GALNT16: variants seen among roughly 807,000 people sequenced by gnomAD.
GALNT16 encodes polypeptide N-acetylgalactosaminyltransferase 16.
In GALNT16, 40 loss-of-function variants were observed where a neutral mutation model predicts 76.1. That is an observed-to-expected ratio of 0.53 (90% CI 0.41 to 0.68). The LOEUF (loss-of-function observed/expected upper bound fraction) is 0.68, where lower values mean the gene tolerates loss of function less well. GALNT16 is among the 30% of genes least tolerant of loss of function. GALNT16 has a pLI of 0.00. For synonymous variants in GALNT16, 276 were observed against 285.2 expected, an observed-to-expected ratio of 0.97 and a Z score of 0.32; for missense variants, 621 against 731.9, an observed-to-expected ratio of 0.85 and a Z score of 1.75.
rs55871607 is a variant in GALNT16 at position 69,345,703 on chromosome 14, AGTGTGT to A, written c.1272-1308_1272-1303del. Among the ~76,000 whole-genome samples, 45 of 135,098 alleles carry A rather than the reference AGTGTGT, an allele frequency of 3.3e-4. No homozygotes were observed. In the Middle Eastern group the frequency reaches 0.019, roughly 58 times the overall value. 88.6% of individuals were successfully genotyped at this position (135,098 alleles called of 152,430 possible). On this transcript the variant is annotated intron_variant, in intron 12 of 14. Coordinates refer to ENST00000448469, the MANE Select transcript of GALNT16 (RefSeq NM_001168368.2). ...TCAGGTTTATTACCCATAAGGTGTCAGTGTGTGTGTGTGTGTGTGTGTGTGTGTGTG... is the reference window on the plus strand; with the variant it reads ...TCAGGTTTATTACCCATAAGGTGTCAGTGTGTGTGTGTGTGTGTGTGTGTG...
At chr14:69,334,653 C>T (rs921216550) in intron 9 of GALNT16, among the ~76,000 whole-genome samples, 2 of 152,178 alleles carry the variant, frequency 1.3e-5, no homozygotes, top group African/African-American at 4.8e-5. Flanking sequence ...GAGCACCCCA[C>T]GATGGAGCTG....
chr14:69,345,547 A>C (rs556333626), intron 12 of GALNT16, among the ~76,000 whole-genome samples: 8 of 152,264 alleles, frequency 5.3e-5, no homozygotes, highest in South Asian at 2.1e-4. Context: ...AACAGGAGGC[A>C]GAGAAGGCAC....
intron 1 of GALNT16, among the ~76,000 whole-genome samples, chr14:69,306,054 G>T (rs1233288396): frequency 6.6e-6 from 1 of 152,108 alleles, no homozygotes; most frequent in African/African-American, 2.4e-5. Flanking sequence ...TGGCACCCTT[G>T]TCGAACATCA....
At chr14:69,273,154 T>C (rs776253716) in intron 1 of GALNT16, among the ~76,000 whole-genome samples, 10 of 152,266 alleles carry the variant, frequency 6.6e-5, no homozygotes, top group Non-Finnish European at 7.3e-5. Context: ...CATATCATCA[T>C]TAAAAACAAG....
chr14:69,351,551 T>C (rs893564212), intron 14 of GALNT16: 1 of 152,862 alleles, frequency 6.5e-6, no homozygotes, highest in Non-Finnish European at 1.5e-5. Flanking sequence ...AGGGCAGGGC[T>C]TAAAGCTGGT....
the GALNT16 span, among the ~76,000 whole-genome samples, chr14:69,373,420 CAT>C: frequency 6.6e-6 from 1 of 152,204 alleles, no homozygotes; most frequent in Admixed American, 6.5e-5. Context: ...TTAGCCTCTT[CAT>C]AGTCTCTTGA....
Position 69,338,776 on chromosome 14 carries a change from A to G in GALNT16, c.1093A>G (p.Arg365Gly), listed in dbSNP as rs1459305768. ...FPEGNALTYI[R>G]NTKRTAEVWM... ...TGAGGGTAATGCCCTCACCTACATC[A>G]GGTAGGTCACCGAGAAAGGAGCACG... Residue 365 changes from arginine (R) to glycine (G), a missense_variant and splice_region_variant, in exon 10 of 15, where the codon AGG (arginine) becomes GGG (glycine). By Grantham distance (125) the Arg-to-Gly change is moderately radical (BLOSUM62 -2). Transcript: ENST00000448469. 2 of 1,611,174 alleles carry G rather than the reference A, an allele frequency of 1.2e-6. No homozygotes were observed. Among genetic ancestry groups the G allele is most frequent in the Admixed American group, 3.4e-5 (2 of 59,636 alleles).
intron 14 of GALNT16, chr14:69,350,960 G>C (rs2045628610): frequency 6.6e-6 from 1 of 152,292 alleles, no homozygotes; most frequent in Admixed American, 6.5e-5. Context: ...CTCCACCCAG[G>C]CACTTCCGTA....
chr14:69,279,180 C>T (rs1478510878), intron 1 of GALNT16, among the ~76,000 whole-genome samples: 3 of 152,190 alleles, frequency 2.0e-5, no homozygotes, highest in African/African-American at 7.2e-5. Context: ...GATCTGCCCA[C>T]CTTGGCCTCC....
intron 1 of GALNT16, among the ~76,000 whole-genome samples, chr14:69,281,852 G>A (rs562870459): frequency 6.6e-6 from 1 of 152,290 alleles, no homozygotes; most frequent in African/African-American, 2.4e-5. Context: ...TGGGTGCTGG[G>A]TAGGAGCTGA....
the GALNT16 span, among the ~76,000 whole-genome samples, chr14:69,377,361 A>T: frequency 3.1e-3 from 476 of 152,172 alleles, 4 homozygotes; most frequent in African/African-American, 0.011. Context: ...TTTTATTTTT[A>T]TTTTTACCAT....
rs1040018361 is a variant in GALNT16, at chr14:69,260,259, A to G, written c.-32A>G. The G allele has an allele frequency of 6.4e-7, 1 of 1,570,356 alleles. No homozygotes were observed. Among genetic ancestry groups the G allele is most frequent in the African/African-American group, 1.4e-5 (1 of 73,502 alleles). On this transcript the variant is annotated 5_prime_UTR_variant, in exon 1 of 15. Transcript: ENST00000448469. ...CCCGGCCCCGAGAGCACGCCGGCCC[A>G]GTCCCCCACCTGGGGCGCCCGTCTG...
intron 12 of GALNT16, among the ~76,000 whole-genome samples, chr14:69,342,265 T>C (rs986782360): frequency 1.3e-5 from 2 of 151,738 alleles, no homozygotes; most frequent in Non-Finnish European, 2.9e-5. Context: ...CTGGGCAACA[T>C]AATGAGACCT....
At chr14:69,295,151 C>T (rs2044741072) in intron 1 of GALNT16, among the ~76,000 whole-genome samples, 1 of 152,144 alleles carries the variant, frequency 6.6e-6, no homozygotes, top group South Asian at 2.1e-4. Context: ...CCATGGCTCA[C>T]GCCTGTAATC....
intron 9 of GALNT16, among the ~76,000 whole-genome samples, chr14:69,337,325 A>T (rs2140186075): frequency 6.6e-6 from 1 of 152,352 alleles, no homozygotes; most frequent in Admixed American, 6.5e-5. Flanking sequence ...TCCTGACTTC[A>T]CATGGTTGCA....
intron 1 of GALNT16, 48 bp downstream of exon 1, chr14:69,260,515 G>A: frequency 8.0e-7 from 1 of 1,257,550 alleles, no homozygotes; most frequent in Admixed American, 4.2e-5. Context: ...GCCGCGGCGC[G>A]CGTCCAGACC....
the GALNT16 span, among the ~76,000 whole-genome samples, chr14:69,364,210 T>C: frequency 6.6e-6 from 1 of 152,222 alleles, no homozygotes; most frequent in South Asian, 2.1e-4. The surrounding 1 kb of genome is among the most constrained non-coding windows in gnomAD (Gnocchi z 4.2). Flanking sequence ...GATTGTTCTT[T>C]GTCAGTTTGT....
At position 69,322,341 on chromosome 14, in the gene GALNT16, T is replaced by A. The variant is rs533911603; in HGVS notation, c.335+1473T>A. 1.4e-4 allele frequency among the ~76,000 whole-genome samples: 21 copies of A among 152,348 alleles called. No homozygotes were observed. The East Asian group carries it at 3.5e-3, about 25-fold the overall frequency. ...CATAGCTCCACTTAGAGACCTTTCA[T>A]GGGCAGCCCTAGCCATGGCTGACCT... On this transcript the variant is annotated intron_variant, in intron 2 of 14. Transcript: ENST00000448469.
chr14:69,348,065 A>C (rs2045590607), intron 14 of GALNT16, 63 bp downstream of exon 14: 1 of 1,563,786 alleles, frequency 6.4e-7, no homozygotes, highest in African/African-American at 1.4e-5. Context: ...TCAGGGTGGC[A>C]GACCTTGGCA....
Sources: allele counts gnomAD v4.1 joint callset (sites outside exome capture counted in the v4.1 genomes callset), GRCh38; gene constraint gnomAD v4.1.1; non-coding constraint Gnocchi (gnomAD v3.1); transcripts MANE v1.5; gene names NCBI Gene and HGNC (gene_info 2026-07-23, HGNC 2026-07-21).